MCCC1: variants seen among roughly 807,000 people sequenced by gnomAD.
MCCC1 encodes methylcrotonyl-CoA carboxylase subunit 1, also known as methylcrotonoyl-CoA carboxylase subunit alpha, mitochondrial.
In MCCC1, 64 loss-of-function variants were observed where a neutral mutation model predicts 83.8. The observed-to-expected ratio is 0.76, with a 90% CI of 0.62 to 0.94. The LOEUF is 0.94. MCCC1 is among the 40% of genes least tolerant of loss of function. The probability of loss-of-function intolerance (pLI) is 0.00; values close to 1 mark genes in which losing one functional copy is unlikely to be tolerated. For synonymous variants in MCCC1, 322 were observed against 315.4 expected, an observed-to-expected ratio of 1.02 and a Z score of -0.22; for missense variants, 807 against 904.7, an observed-to-expected ratio of 0.89 and a Z score of 1.39.
At chr3:183,031,566 C>T (rs796979862) in intron 14 of MCCC1, among the ~76,000 whole-genome samples, 40 of 134,894 alleles carry the variant, frequency 3.0e-4, no homozygotes, top group African/African-American at 6.4e-4. Flanking sequence ...GGTGCAATCT[C>T]GGCTCACTGC....
At chr3:183,017,438 AT>A in intron 17 of MCCC1, 101 bp from the exon 18 acceptor site, 1 of 1,025,420 alleles carries the variant, frequency 9.8e-7, no homozygotes, top group South Asian at 1.3e-5. Flanking sequence ...ATATATACTC[AT>A]AACATCATGT....
chr3:183,039,232 C>T, intron 11 of MCCC1, 97 bp from the exon 12 acceptor site: 2 of 1,068,800 alleles, frequency 1.9e-6, no homozygotes, highest in Non-Finnish European at 2.9e-6. Context: ...CACGCTTAAT[C>T]CTCATAAACC....
At chr3:183,025,694 A>G (rs1712539177) in intron 15 of MCCC1, 61 bp downstream of exon 15, 22 of 1,368,426 alleles carry the variant, frequency 1.6e-5, no homozygotes, top group South Asian at 4.6e-5. Context: ...GAAAGACCCT[A>G]TTCAGTATAA....
intron 10 of MCCC1, among the ~76,000 whole-genome samples, chr3:183,043,370 A>G (rs1025298187): frequency 3.9e-5 from 6 of 152,330 alleles, no homozygotes; most frequent in Admixed American, 3.3e-4. Context: ...ACAGGCCCCA[A>G]TCATGCCTCT....
chr3:183,107,521 A>T (rs1719425536), intron 1 of MCCC1, among the ~76,000 whole-genome samples: 1 of 150,500 alleles, frequency 6.6e-6, no homozygotes, highest in Admixed American at 6.6e-5. Context: ...TATTATTATT[A>T]TTATTATTAT....
At chr3:183,034,400 A>G (rs1416191745) in intron 13 of MCCC1, among the ~76,000 whole-genome samples, 6 of 150,836 alleles carry the variant, frequency 4.0e-5, no homozygotes, top group Non-Finnish European at 5.9e-5. Context: ...GCAGTGAGCC[A>G]AGATTGCGCC....
At chr3:183,115,162 A>G (rs908732659) in intron 1 of MCCC1, among the ~76,000 whole-genome samples, 1 of 152,124 alleles carries the variant, frequency 6.6e-6, no homozygotes, top group Non-Finnish European at 1.5e-5. Flanking sequence ...CCTCTCATGG[A>G]AAACAATCCT....
chr3:183,048,572 TA>T (rs768173708), intron 9 of MCCC1, among the ~76,000 whole-genome samples: 33 of 152,206 alleles, frequency 2.2e-4, no homozygotes, highest in Non-Finnish European at 4.3e-4. Flanking sequence ...AACATGCATG[TA>T]CCTAACAACA....
intron 4 of MCCC1, among the ~76,000 whole-genome samples, chr3:183,076,110 T>C (rs967305658): frequency 2.0e-5 from 3 of 152,236 alleles, no homozygotes; most frequent in Admixed American, 2.0e-4. Flanking sequence ...TTAGTAAATC[T>C]ATACAATTGT....
chr3:183,020,033 G>C, intron 17 of MCCC1, 97 bp downstream of exon 17: 1 of 918,736 alleles, frequency 1.1e-6, no homozygotes, highest in Admixed American at 2.0e-5. Context: ...TTTCCAATGA[G>C]CAAGGTTTAG....
chr3:183,114,127 T>C (rs1719549455), intron 1 of MCCC1, among the ~76,000 whole-genome samples: 1 of 152,194 alleles, frequency 6.6e-6, no homozygotes, highest in South Asian at 2.1e-4. Context: ...TGGCGAGCTA[T>C]ATCCGCAGTG....
At chr3:183,067,610 G>A (rs1716350809) in intron 7 of MCCC1, among the ~76,000 whole-genome samples, 1 of 152,180 alleles carries the variant, frequency 6.6e-6, no homozygotes, top group Non-Finnish European at 1.5e-5. Flanking sequence ...GACTAACCCT[G>A]CTTATTCCTG....
upstream of MCCC1, among the ~76,000 whole-genome samples, chr3:183,104,323 T>C (rs1339389600): frequency 1.3e-5 from 2 of 152,004 alleles, no homozygotes; most frequent in Non-Finnish European, 1.5e-5. Flanking sequence ...TTCACCATGT[T>C]GGCCAAGCTG....
intron 1 of MCCC1, among the ~76,000 whole-genome samples, chr3:183,107,535 T>TATTATTA (rs1553872789): frequency 2.8e-4 from 42 of 149,382 alleles, no homozygotes; most frequent in African/African-American, 1.0e-3. Flanking sequence ...TTATTATTAT[T>TATTATTA]TGTTGTTGTT....
chr3:183,054,461 A>G (rs74964587), intron 8 of MCCC1, among the ~76,000 whole-genome samples: 2,615 of 152,236 alleles, frequency 0.017, 174 homozygotes, highest in East Asian at 0.15. Context: ...CGCTGGGATT[A>G]CAGGCGTGAG....
chr3:183,066,132 A>T (rs1716239495), intron 7 of MCCC1, among the ~76,000 whole-genome samples: 1 of 152,188 alleles, frequency 6.6e-6, no homozygotes, highest in South Asian at 2.1e-4. Context: ...TATAATTCTG[A>T]TATGACTTAG....
chr3:183,114,478 G>T (rs1386732031), intron 1 of MCCC1, among the ~76,000 whole-genome samples: 1 of 152,158 alleles, frequency 6.6e-6, no homozygotes, highest in Non-Finnish European at 1.5e-5. Context: ...TCCAGGCAGT[G>T]TCAGAATTGA....
chr3:183,017,165 T>C, intron 18 of MCCC1, 101 bp downstream of exon 18: 6 of 1,027,662 alleles, frequency 5.8e-6, no homozygotes, highest in Non-Finnish European at 9.1e-6. Flanking sequence ...TCATGGCTTT[T>C]CATATTTAAG....
chr3:183,032,821 C>T (rs530896948), intron 14 of MCCC1, among the ~76,000 whole-genome samples: 43 of 151,174 alleles, frequency 2.8e-4, no homozygotes, highest in Non-Finnish European at 4.7e-4. Context: ...TTGCAGTGAG[C>T]CAAGATCGTG....
Sources: allele counts gnomAD v4.1 joint callset (sites outside exome capture counted in the v4.1 genomes callset), GRCh38; gene constraint gnomAD v4.1.1; transcripts MANE v1.5; gene names NCBI Gene and HGNC (gene_info 2026-07-23, HGNC 2026-07-21).